The following LIMS2 variants were observed in gnomAD, a reference collection of about 807,000 sequenced individuals.
LIMS2 encodes LIM and senescent cell antigen-like-containing domain protein 2.
In LIMS2, 30 loss-of-function variants were observed where a neutral mutation model predicts 45.3. That is an observed-to-expected ratio of 0.66 (90% CI 0.50 to 0.90). The LOEUF is 0.90. Ranked by LOEUF, LIMS2 falls within the 40% of genes least tolerant of loss-of-function variation. The probability of loss-of-function intolerance (pLI) is 0.00; values close to 1 mark genes in which losing one functional copy is unlikely to be tolerated. For missense variants in LIMS2, 485 were observed against 468.7 expected, an observed-to-expected ratio of 1.03 and a Z score of -0.32; for synonymous variants, 173 against 188.0, an observed-to-expected ratio of 0.92 and a Z score of 0.65.
chr2:127,641,838 CGT>C, intron 6 of LIMS2: 1 of 533,064 alleles, frequency 1.9e-6, no homozygotes, highest in Non-Finnish European at 3.4e-6. Flanking sequence ...GCTACCCAAC[CGT>C]GTGTGTGCAC....
At chr2:127,651,775 C>T in intron 4 of LIMS2, 1 of 1,604,962 alleles carries the variant, frequency 6.2e-7, no homozygotes, top group Non-Finnish European at 8.5e-7. Flanking sequence ...GCCGTCCAGG[C>T]CGAGCGCAGA....
At chr2:127,648,454 C>A (rs1361084965) in intron 4 of LIMS2, among the ~76,000 whole-genome samples, 1 of 152,192 alleles carries the variant, frequency 6.6e-6, no homozygotes, top group Non-Finnish European at 1.5e-5. Context: ...TGCGGCCCAC[C>A]CTTCCCTAGG....
Position 127,657,431 on chromosome 2 carries a change from C to T in LIMS2, c.143G>A (p.Arg48Gln), listed in dbSNP as rs200231493. Residue 48 changes from arginine (R) to glutamine (Q), a missense_variant, in exon 2 of 10, where the codon CGG (arginine) becomes CAG (glutamine). Physicochemically the swap from Arg to Gln is conservative, Grantham distance 43. Coordinates refer to ENST00000355119, the MANE Select transcript of LIMS2 (RefSeq NM_001161403.3). ...EHCFVCAQCF[R>Q]PFPEGLFYEF... ...ATAGAAGAGCCCCTCGGGGAAGGGC[C>T]GGAAGCACTGGGCACACACGAAGCA... The T allele has an allele frequency of 1.1e-4, 171 of 1,613,762 alleles. No homozygotes were observed. Among genetic ancestry groups the T allele is most frequent in the Non-Finnish European group, 1.3e-4 (148 of 1,180,006 alleles).
chr2:127,654,324 C>T (rs116001981), intron 4 of LIMS2, 100 bp downstream of exon 4: 14 of 1,537,866 alleles, frequency 9.1e-6, no homozygotes, highest in Non-Finnish European at 1.3e-5. Flanking sequence ...CACCGGGACC[C>T]TTCTGCGCCC....
At chr2:127,639,492 C>A in intron 9 of LIMS2, 64 bp from the exon 10 acceptor site, 1 of 1,585,388 alleles carries the variant, frequency 6.3e-7, no homozygotes, top group South Asian at 1.1e-5. Flanking sequence ...AGACAGGTGA[C>A]TGTGGAGTGG....
chr2:127,679,882 C>G (rs1189433676), upstream of LIMS2, among the ~76,000 whole-genome samples: 1 of 152,178 alleles, frequency 6.6e-6, no homozygotes. The surrounding 1 kb of genome is among the most constrained non-coding windows in gnomAD (Gnocchi z 5.3). Context: ...TGCCACAGCC[C>G]AGGTCCTGGG....
At position 127,642,912 on chromosome 2, in the gene LIMS2, T is replaced by C. The variant is rs368884205; in HGVS notation, c.509+11A>G. 5.8e-6 allele frequency: 9 copies of C among 1,556,740 alleles called. No individual in the cohort carries two copies. Among genetic ancestry groups the C allele is most frequent in the Non-Finnish European group, 7.8e-6 (9 of 1,150,296 alleles). On this transcript the variant is annotated intron_variant, in intron 5 of 9. Coordinates refer to ENST00000355119, the MANE Select transcript of LIMS2 (RefSeq NM_001161403.3). The surrounding 1 kb of genome is among the most constrained non-coding windows in gnomAD (Gnocchi z 5.3). ...CGCCCCCACAACTGCAGGGCCGGGC[T>C]GCGCACCTACCCACAGTGGGTGCAG...
At chr2:127,650,547 C>T (rs1197986892) in intron 4 of LIMS2, 9 of 600,456 alleles carry the variant, frequency 1.5e-5, no homozygotes, top group Admixed American at 3.0e-5. Context: ...GCCTCTGACG[C>T]TCACGCACAC....
intron 4 of LIMS2, among the ~76,000 whole-genome samples, chr2:127,644,719 C>T (rs1187294906): frequency 3.3e-5 from 5 of 152,204 alleles, no homozygotes. Flanking sequence ...TTGAAGCCAT[C>T]GACAGTGATC....
At chr2:127,657,268 G>T in intron 2 of LIMS2, 135 bp downstream of exon 2, 1 of 999,850 alleles carries the variant, frequency 1.0e-6, no homozygotes, top group Non-Finnish European at 1.5e-6. Flanking sequence ...CCGTGCAGGA[G>T]CTCAAGCCTG....
intron 1 of LIMS2, among the ~76,000 whole-genome samples, chr2:127,661,874 G>A (rs557325239): frequency 1.3e-5 from 2 of 152,286 alleles, no homozygotes; most frequent in African/African-American, 2.4e-5. Context: ...GGGTCACAGA[G>A]GATTGGACTC....
rs1039140637 is a variant in LIMS2, at chr2:127,675,528, C to T, written c.-504G>A. On this transcript the variant is annotated 5_prime_UTR_variant, in exon 1 of 10. Coordinates refer to ENST00000355119, the MANE Select transcript of LIMS2 (RefSeq NM_001161403.3). ...TCCCAACCCGGGCTCTGCTCGCCAC[C>T]TCCTGGATTCCGGGCATAGCTTTCC... 7.9e-5 allele frequency among the ~76,000 whole-genome samples: 12 copies of T among 152,092 alleles called. No individual in the cohort carries two copies. Among genetic ancestry groups the T allele is most frequent in the Admixed American group, 6.5e-4 (10 of 15,280 alleles).
chr2:127,642,789 G>A lies in LIMS2; in HGVS notation c.509+134C>T, dbSNP rs943778670. ...ACCTCTGCCCTGCAGCCTTGCTCTC[G>A]GGACCCCTCTGTCTGCCCACCCTGC... On this transcript the variant is annotated intron_variant, in intron 5 of 9. Transcript: ENST00000355119. This position sits in a 1 kb window ranked among gnomAD's most constrained non-coding sequence, Gnocchi z 5.3. 33 of 991,246 alleles carry A rather than the reference G, an allele frequency of 3.3e-5. No homozygotes were observed. The highest frequency in any genetic ancestry group is 3.2e-4 in the Middle Eastern group (1 of 3,082). The allele number at this position is 991,246 out of a possible 1,614,324, so 61.4% of individuals were successfully genotyped here.
chr2:127,679,537 G>A (rs1295649186), upstream of LIMS2, among the ~76,000 whole-genome samples: 2 of 152,004 alleles, frequency 1.3e-5, no homozygotes, highest in Admixed American at 1.3e-4. The surrounding 1 kb of genome is among the most constrained non-coding windows in gnomAD (Gnocchi z 5.3). Context: ...CCCTGGGCAC[G>A]AGCCTTCTGC....
chr2:127,641,837 C>T, intron 6 of LIMS2: 1 of 532,364 alleles, frequency 1.9e-6, no homozygotes, highest in Non-Finnish European at 3.4e-6. Context: ...AGCTACCCAA[C>T]CGTGTGTGTG....
chr2:127,650,966 C>T, intron 4 of LIMS2: 1 of 1,613,896 alleles, frequency 6.2e-7, no homozygotes, highest in Non-Finnish European at 8.5e-7. Context: ...CCGTGGCCGA[C>T]TTGTCGTGCG....
chr2:127,659,585 G>A (rs529877874), intron 1 of LIMS2, among the ~76,000 whole-genome samples: 7 of 152,338 alleles, frequency 4.6e-5, no homozygotes, highest in African/African-American at 1.7e-4. Flanking sequence ...AGGTGGCAGG[G>A]AGGACATTCC....
chr2:127,657,625 G>C (rs900988265), intron 1 of LIMS2, 63 bp from the exon 2 acceptor site: 2 of 1,487,662 alleles, frequency 1.3e-6, no homozygotes, highest in East Asian at 4.6e-5. Flanking sequence ...GGGCACACGC[G>C]GGGGCCTGCG....
chr2:127,653,205 C>CG lies in LIMS2; in HGVS notation c.359+1218dup, dbSNP rs1558886000. 6.6e-6 allele frequency among the ~76,000 whole-genome samples: 1 copy of CG among 152,170 alleles called. No individual in the cohort carries two copies. Among genetic ancestry groups the CG allele is most frequent in the East Asian group, 1.9e-4 (1 of 5,188 alleles). On this transcript the variant is annotated intron_variant, in intron 4 of 9. Transcript: ENST00000355119. This position sits in a 1 kb window ranked among gnomAD's most constrained non-coding sequence, Gnocchi z 5.3. ...CACACGGACAAGAGCTCGGTAGTGT[C>CG]GGGGAAGCATCTCGGAGGAGCTGCG...
Sources: allele counts gnomAD v4.1 joint callset (sites outside exome capture counted in the v4.1 genomes callset), GRCh38; gene constraint gnomAD v4.1.1; non-coding constraint Gnocchi (gnomAD v3.1); transcripts MANE v1.5; gene names NCBI Gene and HGNC (gene_info 2026-07-23, HGNC 2026-07-21).